DCDC1: variants seen among roughly 807,000 people sequenced by gnomAD.
The protein encoded by DCDC1 is doublecortin domain containing 1, also known as doublecortin domain-containing protein 1.
A neutral mutation model predicts 178.3 loss-of-function variants in DCDC1; 200 were observed. The ratio of observed to expected loss-of-function variants is 1.12; its 90% CI spans 1.00 to 1.26. DCDC1 has a LOEUF of 1.26. Ranked by LOEUF, DCDC1 falls within the 50% of genes most tolerant of loss-of-function variation. The pLI, the probability that DCDC1 is intolerant of heterozygous loss-of-function variation, is 0.00. For synonymous variants in DCDC1, 690 were observed against 604.8 expected (o/e 1.14, Z -2.07); for missense variants, 1,983 against 1,749.2 (o/e 1.13, Z -2.38).
chr11:31,039,413 T>G (rs1954289042), intron 20 of DCDC1, among the ~76,000 whole-genome samples: 1 of 152,196 alleles, frequency 6.6e-6, no homozygotes, highest in South Asian at 2.1e-4. Flanking sequence ...TTCAACTGTT[T>G]CAGATCCTGA....
chr11:31,271,567 C>T (rs2137169531), intron 7 of DCDC1, among the ~76,000 whole-genome samples: 1 of 152,184 alleles, frequency 6.6e-6, no homozygotes, highest in Middle Eastern at 3.4e-3. Context: ...GCTTTTTTAC[C>T]ATCACTTTAC....
At chr11:31,211,243 C>T (rs1972498546) in intron 9 of DCDC1, among the ~76,000 whole-genome samples, 1 of 152,126 alleles carries the variant, frequency 6.6e-6, no homozygotes, top group African/African-American at 2.4e-5. Context: ...TAAAATCTAA[C>T]AATATGTAAT....
At chr11:31,274,553 G>T (rs963414031) in intron 7 of DCDC1, among the ~76,000 whole-genome samples, 1 of 151,696 alleles carries the variant, frequency 6.6e-6, no homozygotes, top group African/African-American at 2.4e-5. Context: ...ATATGAAAAG[G>T]CTCCATGGCA....
intron 9 of DCDC1, among the ~76,000 whole-genome samples, chr11:31,240,992 T>C (rs1043074333): frequency 6.6e-6 from 1 of 152,030 alleles, no homozygotes; most frequent in African/African-American, 2.4e-5. Context: ...TAAATAAGGA[T>C]AAATGAAGTA....
intron 1 of DCDC1, among the ~76,000 whole-genome samples, chr11:31,350,266 A>C (rs1285345956): frequency 1.3e-5 from 2 of 152,140 alleles, no homozygotes; most frequent in African/African-American, 2.4e-5. Context: ...TAATTTTTAC[A>C]ATTTTAATTA....
chr11:30,919,493 CTT>C (rs1486603950), intron 25 of DCDC1, among the ~76,000 whole-genome samples: 14 of 151,778 alleles, frequency 9.2e-5, no homozygotes, highest in Admixed American at 9.2e-4. Context: ...AAAAATGTTT[CTT>C]TTTTCTTACT....
chr11:31,291,965 A>G (rs1037811618), intron 6 of DCDC1, among the ~76,000 whole-genome samples: 1 of 151,970 alleles, frequency 6.6e-6, no homozygotes, highest in African/African-American at 2.4e-5. Flanking sequence ...GAGTCTCACA[A>G]TGGCTATATT....
At chr11:31,125,612 C>A (rs1961493280) in intron 11 of DCDC1, among the ~76,000 whole-genome samples, 1 of 152,158 alleles carries the variant, frequency 6.6e-6, no homozygotes, top group African/African-American at 2.4e-5. Context: ...GGAATGAGAT[C>A]ATGTCCTTTG....
At chr11:31,294,467 C>T (rs1947459718) in intron 6 of DCDC1, among the ~76,000 whole-genome samples, 1 of 150,340 alleles carries the variant, frequency 6.7e-6, no homozygotes, top group African/African-American at 2.5e-5. Context: ...CCTGTAATCC[C>T]AGCTACTCGG....
intron 11 of DCDC1, 84 bp from the exon 12 acceptor site, chr11:31,110,445 G>A (rs886116840): frequency 1.0e-5 from 6 of 591,122 alleles, no homozygotes; most frequent in African/African-American, 9.2e-5. Context: ...ATAAATTTAG[G>A]CAGTCATCCT....
chr11:31,036,110 G>A (rs1027644881), intron 20 of DCDC1, among the ~76,000 whole-genome samples: 5 of 152,024 alleles, frequency 3.3e-5, no homozygotes, highest in Admixed American at 6.6e-5. Flanking sequence ...CTGTGAAGTC[G>A]CTCTACTCTA....
intron 7 of DCDC1, among the ~76,000 whole-genome samples, chr11:31,280,056 T>G (rs1946314161): frequency 6.6e-6 from 1 of 152,182 alleles, no homozygotes; most frequent in Admixed American, 6.6e-5. Context: ...ATAGATCATC[T>G]ATAAAATGTG....
Position 30,929,379 on chromosome 11 carries a change from C to T in DCDC1, c.2897+2392G>A, listed in dbSNP as rs1946786599. ...GGCCCAGGGCTGGAGTAGTGGAATA[C>T]ACAGTAGACACAACTAACTCGAGAG... On this transcript the variant is annotated intron_variant, in intron 22 of 38. Coordinates refer to ENST00000684477, the MANE Select transcript of DCDC1 (RefSeq NM_001387274.1). 1.3e-5 allele frequency among the ~76,000 whole-genome samples: 2 copies of T among 152,106 alleles called. 1 individual carries two copies. Among genetic ancestry groups the T allele is most frequent in the South Asian group, 4.1e-4 (2 of 4,834 alleles).
intron 7 of DCDC1, among the ~76,000 whole-genome samples, chr11:31,284,320 G>T (rs558352151): frequency 1.3e-5 from 2 of 152,230 alleles, no homozygotes; most frequent in South Asian, 4.1e-4. Context: ...ATGGGTTATA[G>T]TACTAGCTAT....
chr11:30,924,383 C>A (rs560530432), intron 23 of DCDC1, among the ~76,000 whole-genome samples: 51 of 152,240 alleles, frequency 3.3e-4, no homozygotes, highest in African/African-American at 1.1e-3. Context: ...AGGTTCAGGG[C>A]CTCAGTTGAG....
chr11:31,201,437 T>C (rs997189662), intron 9 of DCDC1, among the ~76,000 whole-genome samples: 1 of 151,966 alleles, frequency 6.6e-6, no homozygotes, highest in Non-Finnish European at 1.5e-5. Context: ...TGAGTGTACT[T>C]AAAGATAGCA....
At position 30,948,709 on chromosome 11, in the gene DCDC1, A is replaced by C. The variant is rs546937692; in HGVS notation, c.2715+3736T>G. Among the ~76,000 whole-genome samples the C allele has an allele frequency of 2.0e-5, 3 of 152,110 alleles. No individual in the cohort carries two copies. In the East Asian group the frequency reaches 5.8e-4, roughly 29 times the overall value. ...CCTCAGAAATAACACCACACATCTA[A>C]AACCATCTGATCTTTGACAAACCTG... is the stretch of plus-strand genomic sequence containing the variant. On this transcript the variant is annotated intron_variant, in intron 21 of 38. Transcript: ENST00000684477.
At chr11:31,151,518 G>C (rs1965167188) in intron 9 of DCDC1, among the ~76,000 whole-genome samples, 1 of 151,920 alleles carries the variant, frequency 6.6e-6, no homozygotes, top group Non-Finnish European at 1.5e-5. Context: ...TTCATCTCTA[G>C]GATTATCAAA....
At chr11:31,074,786 T>G (rs1422605852) in intron 18 of DCDC1, among the ~76,000 whole-genome samples, 2 of 152,222 alleles carry the variant, frequency 1.3e-5, no homozygotes, top group South Asian at 4.1e-4. Flanking sequence ...ACAGAGGCTG[T>G]GAGAGTTTGA....
Sources: gnomAD v4.1 joint callset for allele counts (sites outside exome capture counted in the v4.1 genomes callset) on GRCh38, gnomAD v4.1.1 for gene constraint, MANE v1.5 for transcripts, NCBI Gene and HGNC (gene_info 2026-07-23, HGNC 2026-07-21) for gene names.